AFAP1: variants seen among roughly 807,000 people sequenced by gnomAD.
The protein encoded by AFAP1 is actin filament-associated protein 1.
In AFAP1, 75 loss-of-function variants were observed where a neutral mutation model predicts 93.9. That is an observed-to-expected ratio of 0.80 (90% CI 0.66 to 0.97). AFAP1 has a LOEUF of 0.97. Among genes scored for constraint, AFAP1 ranks in the 50% least tolerant of loss-of-function variants. The pLI is 0.00. For missense variants in AFAP1, 1,201 were observed against 1,050.8 expected, an observed-to-expected ratio of 1.14 and a Z score of -1.98; for synonymous variants, 517 against 430.7, an observed-to-expected ratio of 1.20 and a Z score of -2.48.
chr4:7,845,196 C>G (rs1179683437), intron 4 of AFAP1, among the ~76,000 whole-genome samples: 2 of 152,032 alleles, frequency 1.3e-5, no homozygotes, highest in Non-Finnish European at 2.9e-5. Flanking sequence ...CCAAGGCGGG[C>G]GAATCACTTG....
chr4:7,889,344 C>A lies in AFAP1; in HGVS notation c.-2-17264G>T, dbSNP rs75850356. ...GGGACGGATCACGAGGTCAGGAGAT[C>A]CAGATCATCCTGGCTAACATGGTGA... On this transcript the variant is annotated intron_variant, in intron 1 of 17. Transcript: ENST00000420658. 3.4e-4 allele frequency among the ~76,000 whole-genome samples: 51 copies of A among 151,670 alleles called. No homozygotes were observed. The East Asian group carries it at 9.5e-3, about 28-fold the overall frequency.
chr4:7,931,672 C>T (rs1721076892), intron 1 of AFAP1, among the ~76,000 whole-genome samples: 1 of 151,886 alleles, frequency 6.6e-6, no homozygotes, highest in Admixed American at 6.6e-5. Context: ...TGTGAGCCAC[C>T]ACACCAGGAC....
At chr4:7,854,525 T>C (rs921412835) in intron 4 of AFAP1, among the ~76,000 whole-genome samples, 6 of 151,866 alleles carry the variant, frequency 4.0e-5, no homozygotes, top group East Asian at 1.9e-4. Flanking sequence ...GCCGCGCTCG[T>C]AGACTGCCAA....
intron 6 of AFAP1, among the ~76,000 whole-genome samples, chr4:7,830,800 C>A (rs1711524830): frequency 6.6e-6 from 1 of 152,024 alleles, no homozygotes; most frequent in Admixed American, 6.6e-5. Flanking sequence ...ATAGAGATAG[C>A]CTCTTGCTAT....
chr4:7,892,694 C>T (rs185519350), intron 1 of AFAP1, among the ~76,000 whole-genome samples: 93 of 152,226 alleles, frequency 6.1e-4, no homozygotes, highest in Non-Finnish European at 7.2e-4. Context: ...GCCTAGAACA[C>T]GAACCCCCAA....
At chr4:7,899,564 C>T (rs1560226871) in intron 1 of AFAP1, among the ~76,000 whole-genome samples, 1 of 152,158 alleles carries the variant, frequency 6.6e-6, no homozygotes, top group African/African-American at 2.4e-5. Context: ...TAAAAGAAAA[C>T]CTCCTCATTC....
chr4:7,939,427 G>A lies in AFAP1; in HGVS notation c.-3+229C>T, dbSNP rs1353616575. ...ACGCAGTCCCCTCCGGGCAGACGCGGGGAGCTGGGGAGCAGTGGGGACCGG... is the reference window on the plus strand; with the variant it reads ...ACGCAGTCCCCTCCGGGCAGACGCGAGGAGCTGGGGAGCAGTGGGGACCGG... On this transcript the variant is annotated intron_variant, in intron 1 of 17. Transcript: ENST00000420658. The surrounding 1 kb of genome is among the most constrained non-coding windows in gnomAD (Gnocchi z 5.6). The A allele has an allele frequency of 3.3e-6, 1 of 298,552 alleles. No homozygotes were observed. The highest frequency in any genetic ancestry group is 6.5e-6 in the Non-Finnish European group (1 of 153,660). The allele number at this position is 298,552 out of a possible 1,614,324, so 18.5% of individuals were successfully genotyped here.
chr4:7,921,479 C>G (rs984621823), intron 1 of AFAP1, among the ~76,000 whole-genome samples: 1 of 48,094 alleles, frequency 2.1e-5, no homozygotes, highest in Non-Finnish European at 3.5e-5. Flanking sequence ...GCCACCGCAC[C>G]TGGCCACTTT....
chr4:7,811,442 C>T (rs1720024861), intron 8 of AFAP1, among the ~76,000 whole-genome samples: 1 of 152,046 alleles, frequency 6.6e-6, no homozygotes, highest in African/African-American at 2.4e-5. Context: ...CACACACTCA[C>T]ACGCAGTCCC....
intron 1 of AFAP1, among the ~76,000 whole-genome samples, chr4:7,910,036 G>A (rs1039673428): frequency 2.0e-5 from 3 of 152,132 alleles, no homozygotes; most frequent in Non-Finnish European, 2.9e-5. Flanking sequence ...ATAAATTGCC[G>A]GGTGAAAAAA....
chr4:7,924,666 C>G (rs1042229687), intron 1 of AFAP1, among the ~76,000 whole-genome samples: 3 of 152,000 alleles, frequency 2.0e-5, no homozygotes, highest in Non-Finnish European at 4.4e-5. Flanking sequence ...CCAAACAGAC[C>G]ATGCCTGACC....
rs766511029 is a variant in AFAP1, at chr4:7,762,582, G to A, written c.*1183C>T. 8.5e-5 allele frequency: 13 copies of A among 152,132 alleles called. No homozygotes were observed. Among genetic ancestry groups the A allele is most frequent in the Non-Finnish European group, 1.8e-4 (12 of 68,046 alleles). 9.4% of individuals were successfully genotyped at this position (152,132 alleles called of 1,614,324 possible). A position where few individuals can be genotyped will look rare whatever the true frequency, so the allele number is the denominator to read the frequency against. On this transcript the variant is annotated 3_prime_UTR_variant, in exon 18 of 18. Coordinates refer to ENST00000420658, the MANE Select transcript of AFAP1 (RefSeq NM_001134647.2). Reference sequence around the variant, plus strand: ...TCTGTTTTTTTCCTTTATGCCTTAGGCATCCAAATTCTCCAAGAAATATTG... The same window carrying A: ...TCTGTTTTTTTCCTTTATGCCTTAGACATCCAAATTCTCCAAGAAATATTG...
rs1447143545 is a variant in AFAP1 at position 7,762,833 on chromosome 4, GC to G, written c.*931del. ...GCTTCCCTTTCAAAGGACTGCCCTG[GC>G]CCCAAGCAGCAGTAAACGTCCTGTA... On this transcript the variant is annotated 3_prime_UTR_variant, in exon 18 of 18. Coordinates refer to ENST00000420658, the MANE Select transcript of AFAP1 (RefSeq NM_001134647.2). 2 of 152,190 alleles carry G rather than the reference GC, an allele frequency of 1.3e-5. No individual in the cohort carries two copies. Among genetic ancestry groups the G allele is most frequent in the African/African-American group, 4.8e-5 (2 of 41,430 alleles). The allele number at this position is 152,190 out of a possible 1,614,324, so 9.4% of individuals were successfully genotyped here.
At chr4:7,906,344 G>T (rs1719400798) in intron 1 of AFAP1, among the ~76,000 whole-genome samples, 1 of 152,092 alleles carries the variant, frequency 6.6e-6, no homozygotes, top group Non-Finnish European at 1.5e-5. Context: ...ATCAGATAAT[G>T]GATTTTAAAA....
chr4:7,922,152 C>T (rs1478905237), intron 1 of AFAP1, among the ~76,000 whole-genome samples: 2 of 152,116 alleles, frequency 1.3e-5, no homozygotes, highest in Non-Finnish European at 2.9e-5. Context: ...GGTCACAGGG[C>T]AATGATGGGA....
chr4:7,927,609 G>A (rs1720840052), intron 1 of AFAP1, among the ~76,000 whole-genome samples: 3 of 152,166 alleles, frequency 2.0e-5, no homozygotes, highest in Admixed American at 2.0e-4. Flanking sequence ...AGGATCACTT[G>A]AGCCCAGGAG....
intron 1 of AFAP1, chr4:7,938,863 C>T (rs58032724): frequency 0.11 from 16,775 of 152,082 alleles, 1,528 homozygotes; most frequent in East Asian, 0.53. Flanking sequence ...GCGGTGACAG[C>T]CCCGCGCCCC....
chr4:7,886,800 A>C (rs1378469617), intron 1 of AFAP1, among the ~76,000 whole-genome samples: 1 of 152,236 alleles, frequency 6.6e-6, no homozygotes, highest in Admixed American at 6.5e-5. Context: ...GGCTGGGAGA[A>C]GGTTATTGAC....
intron 6 of AFAP1, among the ~76,000 whole-genome samples, chr4:7,820,464 C>T (rs1300581817): frequency 6.6e-6 from 1 of 152,060 alleles, no homozygotes; most frequent in African/African-American, 2.4e-5. Context: ...GGACCTGGAG[C>T]CCGTTGGCGT....
Sources: gnomAD v4.1 joint callset for allele counts (sites outside exome capture counted in the v4.1 genomes callset) on GRCh38, gnomAD v4.1.1 for gene constraint, Gnocchi (gnomAD v3.1) non-coding constraint, MANE v1.5 for transcripts, NCBI Gene and HGNC (gene_info 2026-07-23, HGNC 2026-07-21) for gene names.